The following ENPEP variants were observed in gnomAD, a reference collection of about 807,000 sequenced individuals.
ENPEP encodes glutamyl aminopeptidase, also known as AP-A.
ENPEP carries 103 observed loss-of-function variants against 114.5 expected under a neutral mutation model. The ratio of observed to expected loss-of-function variants is 0.90; its 90% CI spans 0.77 to 1.06. The LOEUF is 1.06. ENPEP is among the 50% of genes least tolerant of loss of function. ENPEP has a pLI of 0.00. For synonymous variants in ENPEP, 420 were observed against 422.0 expected, an observed-to-expected ratio of 1.00 and a Z score of 0.06; for missense variants, 1,196 against 1,161.3, an observed-to-expected ratio of 1.03 and a Z score of -0.43.
In ENPEP at chr4:110,563,611, T is replaced by C. The variant is rs548277386; in HGVS notation, c.*2053T>C. The stretch of plus-strand genomic sequence containing the variant: ...TTCACAGGGGACAAAAAATTTAATA[T>C]GATGTTTCCAAAATTAAGCCACAGT... On this transcript the variant is annotated 3_prime_UTR_variant, in exon 20 of 20. Transcript: ENST00000265162. The C allele has an allele frequency of 2.0e-5, 3 of 152,208 alleles. No individual in the cohort carries two copies. In the South Asian group the frequency reaches 6.2e-4, roughly 32 times the overall value. 9.4% of individuals were successfully genotyped at this position (152,208 alleles called of 1,614,324 possible).
intron 10 of ENPEP, among the ~76,000 whole-genome samples, chr4:110,524,579 C>A (rs1223478692): frequency 6.6e-6 from 1 of 152,116 alleles, no homozygotes; most frequent in Admixed American, 6.6e-5. Flanking sequence ...ATGAATCCAA[C>A]AAATTAAAAC....
intron 12 of ENPEP, 48 bp from the exon 13 acceptor site, chr4:110,542,967 C>G (rs774598411): frequency 1.1e-5 from 18 of 1,609,896 alleles, no homozygotes; most frequent in Admixed American, 1.7e-5. Context: ...TTTCAACATG[C>G]TTTGCCTTAA....
Position 110,548,317 on chromosome 4 carries a change from T to C in ENPEP, c.2142T>C (p.Pro714=). The C allele has an allele frequency of 6.3e-7, 1 of 1,579,656 alleles. No individual in the cohort carries two copies. The change falls in exon 14 of 20, where the codon CCT becomes CCC. Residue 714 remains proline (P), a synonymous_variant. Transcript: ENST00000265162. ...TTGAAGATGATAAAGAGCTATATCCTATGATTGAGGTGACGTTAATGCTAT... is the reference window on the plus strand; with the variant it reads ...TTGAAGATGATAAAGAGCTATATCCCATGATTGAGGTGACGTTAATGCTAT... ...SMFEDDKELY[P]MIEEYFQGQV...
In ENPEP at chr4:110,561,428, A is replaced by C; in HGVS notation, c.2744A>C (p.Tyr915Ser). The stretch of plus-strand genomic sequence containing the variant: ...TAGATGGAGAGCTTTTTTGCAAAAT[A>C]TCCACAAGCTGGAGCAGGAGAAAAA... ...LWQMESFFAK[Y>S]PQAGAGEKPR... The change falls in exon 20 of 20, where the codon TAT becomes TCT. Residue 915 changes from tyrosine to serine, a missense_variant. Tyr to Ser is a moderately radical substitution (Grantham distance 144). Transcript: ENST00000265162. 1 of 1,613,708 alleles carries C rather than the reference A, an allele frequency of 6.2e-7. No homozygotes were observed. The highest frequency in any genetic ancestry group is 8.5e-7 in the Non-Finnish European group (1 of 1,179,908).
At chr4:110,561,317 G>A in intron 19 of ENPEP, 89 bp from the exon 20 acceptor site, 1 of 1,412,214 alleles carries the variant, frequency 7.1e-7, no homozygotes, top group Non-Finnish European at 9.9e-7. Flanking sequence ...TTCTAGGTAA[G>A]AAGAAAGCAA....
At position 110,476,790 on chromosome 4, in the gene ENPEP, A is replaced by G. The variant is rs1724124807; in HGVS notation, c.376A>G (p.Ser126Gly). The change falls in exon 1 of 20, where the codon AGC becomes GGC. Residue 126 changes from serine to glycine, a missense_variant. Physicochemically the swap from Ser to Gly is moderately conservative, Grantham distance 56. Transcript: ENST00000265162. ...TGTVSISINL[S>G]APTRYLWLHL... is the part of the protein sequence containing the mutation. ...CACCGTGAGCATCTCCATCAACCTG[A>G]GCGCTCCCACCCGGTACCTGTGGCT... The G allele has an allele frequency of 7.4e-6, 12 of 1,614,060 alleles. No homozygotes were observed. Among genetic ancestry groups the G allele is most frequent in the Non-Finnish European group, 1.0e-5 (12 of 1,180,048 alleles).
rs1160815544 is a variant in ENPEP, at chr4:110,476,358, G to T, written c.-57G>T. On this transcript the variant is annotated 5_prime_UTR_variant, in exon 1 of 20. Transcript: ENST00000265162. ...CAATTTAAAAAGGAAGTCTGCTGACGTTAGTTAGTTAAATTTAACATCTTT... is the reference window on the plus strand; with the variant it reads ...CAATTTAAAAAGGAAGTCTGCTGACTTTAGTTAGTTAAATTTAACATCTTT... The T allele has an allele frequency of 1.3e-6, 2 of 1,494,602 alleles. No individual in the cohort carries two copies. Among genetic ancestry groups the T allele is most frequent in the African/African-American group, 1.4e-5 (1 of 71,376 alleles). The allele number at this position is 1,494,602 out of a possible 1,614,324, so 92.6% of individuals were successfully genotyped here.
chr4:110,506,634 T>C lies in ENPEP; in HGVS notation c.919-3T>C, dbSNP rs563032184. On this transcript the variant is annotated splice_region_variant and splice_polypyrimidine_tract_variant and intron_variant, in intron 3 of 19. Transcript: ENST00000265162. ...ACTGAATTTTTTGTGTTTTGTTTAA[T>C]AGCTTACAATTTATGTCCAGCCAGA... 1.3e-6 allele frequency: 2 copies of C among 1,595,044 alleles called. No homozygotes were observed. The highest frequency in any genetic ancestry group is 2.2e-5 in the East Asian group (1 of 44,606).
intron 10 of ENPEP, among the ~76,000 whole-genome samples, chr4:110,526,666 C>T (rs1417631851): frequency 6.6e-6 from 1 of 152,114 alleles, no homozygotes; most frequent in Admixed American, 6.6e-5. Flanking sequence ...TTGGCAGGGT[C>T]ACATTTACAT....
rs1727761177 is a variant in ENPEP, at chr4:110,564,214, A to G, written c.*2656A>G. The G allele has an allele frequency of 6.6e-6, 1 of 152,134 alleles. No homozygotes were observed. The highest frequency in any genetic ancestry group is 2.1e-4 in the South Asian group (1 of 4,824). The allele number at this position is 152,134 out of a possible 1,614,324, so 9.4% of individuals were successfully genotyped here. On this transcript the variant is annotated 3_prime_UTR_variant, in exon 20 of 20. Transcript: ENST00000265162. ...CTTATTTTAGAGTGGATAAATTGAG[A>G]TGGAGAAGTTATAGAACTTGCACAA...
At chr4:110,488,971 G>A (rs760435911) in intron 2 of ENPEP, among the ~76,000 whole-genome samples, 40 of 152,234 alleles carry the variant, frequency 2.6e-4, no homozygotes, top group Non-Finnish European at 4.9e-4. Flanking sequence ...TCCCTGAGTC[G>A]TGACAGATTA....
chr4:110,563,462 G>T lies in ENPEP; in HGVS notation c.*1904G>T, dbSNP rs912538719. 6.6e-6 allele frequency: 1 copy of T among 152,082 alleles called. No homozygotes were observed. The highest frequency in any genetic ancestry group is 1.9e-4 in the East Asian group (1 of 5,196). 9.4% of individuals were successfully genotyped at this position (152,082 alleles called of 1,614,324 possible). A position where few individuals can be genotyped will look rare whatever the true frequency, so the allele number is the denominator to read the frequency against. ...CGAAAGAGTTGTATGTACTTTGTCAGAATAAGTCTTCTAGACCATCAGGTC... is the reference window on the plus strand; with the variant it reads ...CGAAAGAGTTGTATGTACTTTGTCATAATAAGTCTTCTAGACCATCAGGTC... On this transcript the variant is annotated 3_prime_UTR_variant, in exon 20 of 20. Transcript: ENST00000265162.
Position 110,548,342 on chromosome 4 carries a change from T to C in ENPEP, c.2151+16T>C, listed in dbSNP as rs375850546. ...TATGATTGAGGTGACGTTAATGCTA[T>C]GGTATCTTATGAAAGTAAATGTTTA... On this transcript the variant is annotated intron_variant, in intron 14 of 19. Coordinates refer to ENST00000265162, the MANE Select transcript of ENPEP (RefSeq NM_001977.4). 4 of 1,522,304 alleles carry C rather than the reference T, an allele frequency of 2.6e-6. No homozygotes were observed. In the African/African-American group the frequency reaches 4.2e-5, roughly 16 times the overall value. 94.3% of individuals were successfully genotyped at this position (1,522,304 alleles called of 1,614,324 possible).
rs954422699 is a variant in ENPEP at position 110,510,306 on chromosome 4, C to T, written c.1256C>T (p.Ala419Val). ...GACTTGTGGCTAAATGAAGGATTTG[C>T]TTCTTTCTTTGAGTTTCTGGGAGTA... Reference protein sequence around the residue: ...WEDLWLNEGFASFFEFLGVNH... With the variant: ...WEDLWLNEGFVSFFEFLGVNH... Residue 419 changes from alanine to valine, a missense_variant, in exon 6 of 20, where the codon GCT (alanine) becomes GTT (valine). Physicochemically the swap from Ala to Val is moderately conservative, Grantham distance 64 (BLOSUM62 0). Transcript: ENST00000265162. The T allele has an allele frequency of 6.2e-7, 1 of 1,614,140 alleles. No homozygotes were observed. Among genetic ancestry groups the T allele is most frequent in the Non-Finnish European group, 8.5e-7 (1 of 1,180,024 alleles).
At chr4:110,489,879 T>C (rs1272462162) in intron 2 of ENPEP, among the ~76,000 whole-genome samples, 1 of 152,182 alleles carries the variant, frequency 6.6e-6, no homozygotes, top group Non-Finnish European at 1.5e-5. Flanking sequence ...TCTTTTTAAA[T>C]GATAAAATAT....
At position 110,520,244 on chromosome 4, in the gene ENPEP, G is replaced by A; in HGVS notation, c.1605G>A (p.Met535Ile). 1 of 1,613,898 alleles carries A rather than the reference G, an allele frequency of 6.2e-7. No individual in the cohort carries two copies. The highest frequency in any genetic ancestry group is 8.5e-7 in the Non-Finnish European group (1 of 1,179,882). The part of the protein sequence containing the change: ...EASRLPVKEV[M>I]DTWTRQMGYP... ...GTAGGCTACCAGTGAAAGAAGTAAT[G>A]GACACCTGGACCAGACAGATGGGTT... is the stretch of plus-strand genomic sequence containing the variant. Residue 535 changes from methionine (M) to isoleucine (I), a missense_variant, in exon 10 of 20, where the codon ATG (methionine) becomes ATA (isoleucine). Transcript: ENST00000265162.
intron 3 of ENPEP, among the ~76,000 whole-genome samples, chr4:110,505,730 C>A (rs939696356): frequency 6.6e-6 from 1 of 152,150 alleles, no homozygotes; most frequent in Non-Finnish European, 1.5e-5. Context: ...GTAGGCTTAG[C>A]AGGTATATTT....
intron 11 of ENPEP, among the ~76,000 whole-genome samples, chr4:110,538,145 A>C (rs1037617506): frequency 6.6e-6 from 1 of 152,170 alleles, no homozygotes; most frequent in Non-Finnish European, 1.5e-5. Context: ...GAGAGAGTCA[A>C]CCTGTCCTTT....
chr4:110,549,508 G>C lies in ENPEP; in HGVS notation c.2226-20G>C. 1.2e-6 allele frequency: 2 copies of C among 1,613,060 alleles called. No homozygotes were observed. Among genetic ancestry groups the C allele is most frequent in the South Asian group, 2.2e-5 (2 of 91,058 alleles). ...GAAAAGTGCTTAAGGCCCTGGATTT[G>C]TGTTTGTTTGTTTTTTAAGGTTACT... On this transcript the variant is annotated intron_variant, in intron 15 of 19. Coordinates refer to ENST00000265162, the MANE Select transcript of ENPEP (RefSeq NM_001977.4).
Sources: allele counts gnomAD v4.1 joint callset (sites outside exome capture counted in the v4.1 genomes callset), GRCh38; gene constraint gnomAD v4.1.1; transcripts MANE v1.5; gene names NCBI Gene and HGNC (gene_info 2026-07-23, HGNC 2026-07-21).